HEXB: variants seen among roughly 807,000 people sequenced by gnomAD.
The protein encoded by HEXB is hexosaminidase subunit beta.
In HEXB, 51 loss-of-function variants were observed where a neutral mutation model predicts 71.2. The observed-to-expected ratio is 0.72, with a 90% CI of 0.57 to 0.90. The LOEUF (loss-of-function observed/expected upper bound fraction) is 0.90, where lower values mean the gene tolerates loss of function less well. HEXB is among the 40% of genes least tolerant of loss of function. The pLI, the probability that HEXB is intolerant of heterozygous loss-of-function variation, is 0.00. For synonymous variants in HEXB, 266 were observed against 249.3 expected (o/e 1.07, Z -0.63); for missense variants, 617 against 677.0 (o/e 0.91, Z 0.98).
rs371382731 is a variant in HEXB at position 74,643,715 on chromosome 5, A to G, written c.-377+3157A>G. Among the ~76,000 whole-genome samples, 126 of 152,214 alleles carry G rather than the reference A, an allele frequency of 8.3e-4. 2 individuals carry two copies. Among genetic ancestry groups the G allele is most frequent in the African/African-American group, 2.9e-3 (119 of 41,514 alleles). ...TTATCTTCATTCCTTCCTAATTTAC[A>G]CTTGGGCTGAATTAATGAGAATGAT... On this transcript the variant is annotated intron_variant, in intron 1 of 13. Coordinates refer to the HEXB transcript ENST00000511181.
At chr5:74,673,787 T>A (rs1438155690) in intron 1 of HEXB, among the ~76,000 whole-genome samples, 1 of 152,178 alleles carries the variant, frequency 6.6e-6, no homozygotes, top group Non-Finnish European at 1.5e-5. Context: ...GGCTTCTCCA[T>A]CCGGCATGCA....
In HEXB at chr5:74,718,338, A is replaced by T. The variant is rs778333765; in HGVS notation, c.1217A>T (p.Gln406Leu). 2.5e-6 allele frequency: 4 copies of T among 1,612,166 alleles called. No homozygotes were observed. In the African/African-American group the frequency reaches 5.3e-5, roughly 22 times the overall value. Residue 406 changes from glutamine (Q) to leucine (L), a missense_variant, in exon 10 of 14, where the codon CAG (glutamine) becomes CTG (leucine). Gln to Leu is a moderately radical substitution (Grantham distance 113). Transcript: ENST00000261416. ...ATAAACAAGGGATCCATTGTCTGGC[A>T]GGAGGTTTTTGATGATAAAGCAAAG... is the stretch of plus-strand genomic sequence containing the variant. ...ATINKGSIVW[Q>L]EVFDDKAKLA...
intron 1 of HEXB, among the ~76,000 whole-genome samples, chr5:74,680,005 C>T (rs16872194): frequency 0.027 from 4,114 of 152,106 alleles, 77 homozygotes; most frequent in African/African-American, 0.046. Flanking sequence ...GACTGACAAA[C>T]CCTCTCAAAC....
rs776913614 is a variant in HEXB, at chr5:74,718,789, G to T, written c.1243-8G>T. 6.2e-7 allele frequency: 1 copy of T among 1,613,764 alleles called. No individual in the cohort carries two copies. Among genetic ancestry groups the T allele is most frequent in the Non-Finnish European group, 8.5e-7 (1 of 1,179,780 alleles). ...AATAATATGTATTGCAATTTGTAAC[G>T]TTAATAGCTTGCGCCGGGCACAATA... On this transcript the variant is annotated splice_polypyrimidine_tract_variant and splice_region_variant and intron_variant, in intron 10 of 13. Transcript: ENST00000261416.
intron 8 of HEXB, 23 bp downstream of exon 8, chr5:74,715,713 C>CA: frequency 5.5e-6 from 8 of 1,449,660 alleles, no homozygotes; most frequent in Non-Finnish European, 6.7e-6. Flanking sequence ...CTTAAAACCC[C>CA]TTTAAAAAAA....
chr5:74,720,734 T>A lies in HEXB; in HGVS notation c.1600T>A (p.Cys534Ser). Residue 534 changes from cysteine (C) to serine (S), a missense_variant, in exon 13 of 14, where the codon TGC becomes AGC. Cys to Ser is a moderately radical substitution (Grantham distance 112). Coordinates refer to ENST00000261416, the MANE Select transcript of HEXB (RefSeq NM_000521.4). ...CTATGACAGACTGACAAGGCACCGC[T>A]GCAGGATGGTCGAGTAAGAAATCTA... ...DAYDRLTRHR[C>S]RMVERGIAAQ... is the part of the protein sequence containing the mutation. 6.2e-7 allele frequency: 1 copy of A among 1,613,412 alleles called. No homozygotes were observed. Among genetic ancestry groups the A allele is most frequent in the Non-Finnish European group, 8.5e-7 (1 of 1,179,304 alleles).
chr5:74,668,143 GGA>G (rs1450866935), intron 1 of HEXB, among the ~76,000 whole-genome samples: 1 of 152,132 alleles, frequency 6.6e-6, no homozygotes, highest in Non-Finnish European at 1.5e-5. Flanking sequence ...CATTTACCTG[GGA>G]GAGGGCTTCA....
chr5:74,643,357 G>C (rs1343373926), intron 1 of HEXB, among the ~76,000 whole-genome samples: 1 of 152,176 alleles, frequency 6.6e-6, no homozygotes, highest in Non-Finnish European at 1.5e-5. Context: ...TTTTGTACAG[G>C]AAGAAACTTC....
At chr5:74,718,427 TGGGA>T in intron 10 of HEXB, 64 bp downstream of exon 10, 1 of 1,241,192 alleles carries the variant, frequency 8.1e-7, no homozygotes, top group Non-Finnish European at 1.2e-6. Context: ...TTGGGGCAAC[TGGGA>T]ATTTGCAAGT....
At position 74,718,878 on chromosome 5, in the gene HEXB, C is replaced by T. The variant is rs369767559; in HGVS notation, c.1324C>T (p.Pro442Ser). ...ELSRVTASGF[P>S]VILSAPWYLD... is the part of the protein sequence containing the mutation. ...CAGTAGAGTCACAGCATCTGGCTTCCCTGTAATCCTTTCTGCTCCTTGGTA... is the reference window on the plus strand; with the variant it reads ...CAGTAGAGTCACAGCATCTGGCTTCTCTGTAATCCTTTCTGCTCCTTGGTA... The change falls in exon 11 of 14, where the codon CCT becomes TCT. Residue 442 changes from proline to serine, a missense_variant. By Grantham distance (74) the Pro-to-Ser change is moderately conservative. Coordinates refer to ENST00000261416, the MANE Select transcript of HEXB (RefSeq NM_000521.4). The T allele has an allele frequency of 3.1e-6, 5 of 1,613,878 alleles. No individual in the cohort carries two copies. The highest frequency in any genetic ancestry group is 2.5e-6 in the Non-Finnish European group (3 of 1,179,928).
intron 1 of HEXB, among the ~76,000 whole-genome samples, chr5:74,654,396 G>T (rs775978194): frequency 7.2e-5 from 11 of 152,094 alleles, no homozygotes; most frequent in Non-Finnish European, 1.5e-4. Flanking sequence ...CTGACAAGAC[G>T]CAGCATTGCA....
chr5:74,689,717 A>G, intron 2 of HEXB: 1 of 525,438 alleles, frequency 1.9e-6, no homozygotes, highest in East Asian at 3.3e-5. Context: ...GATAGAATTA[A>G]TCACTGTCAT....
chr5:74,694,810 C>CA (rs34849701), intron 3 of HEXB, among the ~76,000 whole-genome samples: 30,940 of 147,460 alleles, frequency 0.21, 3,343 homozygotes, highest in African/African-American at 0.26. Context: ...ACTAAAAATA[C>CA]AAAAAAAAAA....
At chr5:74,667,140 C>G (rs1306608296) in intron 1 of HEXB, among the ~76,000 whole-genome samples, 3 of 152,060 alleles carry the variant, frequency 2.0e-5, no homozygotes, top group Non-Finnish European at 4.4e-5. Context: ...ATTGGCCGGG[C>G]ACAGTGGCTC....
intron 1 of HEXB, among the ~76,000 whole-genome samples, chr5:74,661,973 C>T (rs961142950): frequency 6.6e-6 from 1 of 152,004 alleles, no homozygotes; most frequent in Admixed American, 6.6e-5. Flanking sequence ...CTTATTTGAT[C>T]TTTATGACAA....
chr5:74,680,023 C>T (rs1469192656), intron 1 of HEXB, among the ~76,000 whole-genome samples: 2 of 152,056 alleles, frequency 1.3e-5, no homozygotes, highest in African/African-American at 4.8e-5. Flanking sequence ...AACAATAGAG[C>T]GTATCTTGAA....
At chr5:74,672,426 G>A (rs991740711) in intron 1 of HEXB, among the ~76,000 whole-genome samples, 1 of 152,210 alleles carries the variant, frequency 6.6e-6, no homozygotes, top group African/African-American at 2.4e-5. Context: ...CCAGCTGCCT[G>A]CCTGTAAGTC....
At position 74,689,340 on chromosome 5, in the gene HEXB, T is replaced by C; in HGVS notation, c.312T>C (p.Tyr104=). 6.2e-7 allele frequency: 1 copy of C among 1,613,170 alleles called. No homozygotes were observed. The highest frequency in any genetic ancestry group is 8.5e-7 in the Non-Finnish European group (1 of 1,179,074). ...ATTTCTCAAACAGATATCATGGCTA[T>C]ATTTTTGGTTTCTACAAGTGGCATC... ...LEEAFRRYHG[Y]IFGFYKWHHE... Residue 104 remains tyrosine, a synonymous_variant, in exon 2 of 14, where the codon TAT becomes TAC. Transcript: ENST00000261416.
At position 74,720,745 on chromosome 5, in the gene HEXB, C is replaced by T. The variant is rs774479755; in HGVS notation, c.1611C>T (p.Val537=). The T allele has an allele frequency of 1.2e-6, 2 of 1,610,254 alleles. No homozygotes were observed. The highest frequency in any genetic ancestry group is 1.1e-5 in the South Asian group (1 of 90,916). Residue 537 remains valine, a splice_region_variant and synonymous_variant, in exon 13 of 14, where the codon GTC becomes GTT. Coordinates refer to ENST00000261416, the MANE Select transcript of HEXB (RefSeq NM_000521.4). ...TGACAAGGCACCGCTGCAGGATGGT[C>T]GAGTAAGAAATCTATTAAGTCCAGT... ...DRLTRHRCRM[V]ERGIAAQPLY...
Sources: gnomAD v4.1 joint callset for allele counts (sites outside exome capture counted in the v4.1 genomes callset) on GRCh38, gnomAD v4.1.1 for gene constraint, MANE v1.5 for transcripts, NCBI Gene and HGNC (gene_info 2026-07-23, HGNC 2026-07-21) for gene names.